Variants in WDR72 observed in about 807,000 individuals in gnomAD.
The protein encoded by WDR72 is WD repeat-containing protein 72.
WDR72 carries 120 observed loss-of-function variants against 124.2 expected under a neutral mutation model. That is an observed-to-expected ratio of 0.97 (90% CI 0.83 to 1.12). WDR72 has a LOEUF of 1.12. WDR72 is among the 50% of genes most tolerant of loss of function. The probability of loss-of-function intolerance (pLI) is 0.00; values close to 1 mark genes in which losing one functional copy is unlikely to be tolerated. For missense variants in WDR72, 1,387 were observed against 1,278.8 expected (o/e 1.08, Z -1.29); for synonymous variants, 452 against 441.7 (o/e 1.02, Z -0.29).
chr15:53,733,627 T>A (rs891165109), intron 1 of WDR72, among the ~76,000 whole-genome samples: 4 of 152,210 alleles, frequency 2.6e-5, no homozygotes, highest in Non-Finnish European at 5.9e-5. Flanking sequence ...ATCTTTTCCA[T>A]AAAAACAGTG....
chr15:53,699,729 A>G (rs764142840), intron 13 of WDR72, 21 bp downstream of exon 13: 2 of 1,611,080 alleles, frequency 1.2e-6, no homozygotes, highest in Admixed American at 1.7e-5. Context: ...AAAGAATGAA[A>G]GGGATAAAAT....
intron 13 of WDR72, among the ~76,000 whole-genome samples, chr15:53,690,966 T>G (rs77628957): frequency 3.3e-5 from 5 of 152,178 alleles, no homozygotes; most frequent in Non-Finnish European, 7.3e-5. Flanking sequence ...TAATACTCTT[T>G]GTTTTCCACT....
Position 53,705,790 on chromosome 15 carries a change from T to A in WDR72, c.1102+137A>T, listed in dbSNP as rs1197100395. Reference sequence around the variant, plus strand: ...AGCTTTGTGTTTATACCTGCTTTCATGTTGTCATTTAATACGTAGTAGTAC... The same window carrying A: ...AGCTTTGTGTTTATACCTGCTTTCAAGTTGTCATTTAATACGTAGTAGTAC... On this transcript the variant is annotated intron_variant, in intron 10 of 19. Coordinates refer to ENST00000360509, the MANE Select transcript of WDR72 (RefSeq NM_182758.4). The A allele has an allele frequency of 8.0e-6, 8 of 1,001,212 alleles. No homozygotes were observed. In the Admixed American group the frequency reaches 1.6e-4, roughly 20 times the overall value. 62.0% of individuals were successfully genotyped at this position (1,001,212 alleles called of 1,614,324 possible).
intron 19 of WDR72, among the ~76,000 whole-genome samples, chr15:53,520,057 A>AAAC (rs1595722932): frequency 6.6e-6 from 1 of 152,074 alleles, no homozygotes; most frequent in East Asian, 1.9e-4. Flanking sequence ...CTTTTTCCAA[A>AAAC]AACTTTTTCT....
chr15:53,584,051 G>T (rs2012072903), intron 18 of WDR72, among the ~76,000 whole-genome samples: 1 of 151,892 alleles, frequency 6.6e-6, no homozygotes, highest in Non-Finnish European at 1.5e-5. Context: ...TTCAGTTAAG[G>T]ATGTTTGTAG....
intron 1 of WDR72, among the ~76,000 whole-genome samples, chr15:53,756,323 G>C (rs191663784): frequency 2.9e-3 from 443 of 152,302 alleles, no homozygotes; most frequent in Admixed American, 6.1e-3. Flanking sequence ...AGGATTGTAA[G>C]TTTCCTGAGG....
chr15:53,556,175 A>G (rs1157390097), intron 18 of WDR72, among the ~76,000 whole-genome samples: 2 of 152,156 alleles, frequency 1.3e-5, no homozygotes, highest in Non-Finnish European at 2.9e-5. Flanking sequence ...AAATGAGGCA[A>G]TACAATGTCC....
At chr15:53,705,902 T>A in intron 10 of WDR72, 25 bp downstream of exon 10, 1 of 1,613,702 alleles carries the variant, frequency 6.2e-7, no homozygotes, top group Non-Finnish European at 8.5e-7. Context: ...AGAAGACATG[T>A]TACTAGAAAA....
At chr15:53,697,884 C>T (rs1488332892) in intron 13 of WDR72, among the ~76,000 whole-genome samples, 1 of 152,156 alleles carries the variant, frequency 6.6e-6, no homozygotes, top group Non-Finnish European at 1.5e-5. Flanking sequence ...TCTCCGCTCA[C>T]TGCAAGCTCC....
intron 18 of WDR72, among the ~76,000 whole-genome samples, chr15:53,546,670 TA>T (rs985627108): frequency 1.3e-4 from 19 of 150,726 alleles, no homozygotes; most frequent in African/African-American, 2.2e-4. Flanking sequence ...ATAATAATAA[TA>T]AAAAAAAGAA....
chr15:53,664,682 T>A (rs1427139924), intron 14 of WDR72, among the ~76,000 whole-genome samples: 1 of 152,110 alleles, frequency 6.6e-6, no homozygotes, highest in Non-Finnish European at 1.5e-5. Flanking sequence ...CTTCCAAAAA[T>A]ATATCCTTTA....
intron 14 of WDR72, among the ~76,000 whole-genome samples, chr15:53,635,926 C>T (rs2014606114): frequency 6.6e-6 from 1 of 152,010 alleles, no homozygotes; most frequent in African/African-American, 2.4e-5. Context: ...GTGAGACAGC[C>T]TAGAAACCAA....
At chr15:53,703,473 C>T (rs74018742) in intron 11 of WDR72, among the ~76,000 whole-genome samples, 3,926 of 151,568 alleles carry the variant, frequency 0.026, 88 homozygotes, top group African/African-American at 0.052. Context: ...TATGTCACCA[C>T]ATCTAGTTGC....
At chr15:53,623,667 T>C (rs2014094554) in intron 14 of WDR72, among the ~76,000 whole-genome samples, 1 of 152,198 alleles carries the variant, frequency 6.6e-6, no homozygotes, top group Non-Finnish European at 1.5e-5. Context: ...TTCCCAGTAA[T>C]GGGATTGCTG....
chr15:53,706,342 G>GTGTGTATATATATATATATATATA (rs1281985139), intron 9 of WDR72, among the ~76,000 whole-genome samples: 4 of 45,564 alleles, frequency 8.8e-5, no homozygotes, highest in African/African-American at 4.0e-4. Context: ...GTGTGTGTGT[G>GTGTGTATATATATATATATATATA]TGTGTGTGTA....
chr15:53,662,295 C>T (rs2140445468), intron 14 of WDR72, among the ~76,000 whole-genome samples: 1 of 152,266 alleles, frequency 6.6e-6, no homozygotes, highest in East Asian at 1.9e-4. Flanking sequence ...AATTCAACTC[C>T]TCTAGCATTT....
intron 18 of WDR72, among the ~76,000 whole-genome samples, chr15:53,525,176 T>C (rs1438026243): frequency 6.6e-6 from 1 of 152,076 alleles, no homozygotes; most frequent in Non-Finnish European, 1.5e-5. Context: ...CATAGATTTT[T>C]TGTGAAATGT....
chr15:53,761,856 A>C (rs1283550351), upstream of WDR72, among the ~76,000 whole-genome samples: 2 of 152,212 alleles, frequency 1.3e-5, no homozygotes, highest in Non-Finnish European at 2.9e-5. Flanking sequence ...GAAAACCCAC[A>C]AAACAAAAAA....
At chr15:53,678,994 A>G (rs1457647619) in intron 13 of WDR72, among the ~76,000 whole-genome samples, 1 of 152,254 alleles carries the variant, frequency 6.6e-6, no homozygotes, top group African/African-American at 2.4e-5. Context: ...AAATTCTGAC[A>G]CATGCTATAA....
Sources: allele counts gnomAD v4.1 joint callset (sites outside exome capture counted in the v4.1 genomes callset), GRCh38; gene constraint gnomAD v4.1.1; transcripts MANE v1.5; gene names NCBI Gene and HGNC (gene_info 2026-07-23, HGNC 2026-07-21).